The following SSUH2 variants were observed in gnomAD, a reference collection of about 807,000 sequenced individuals.
The protein encoded by SSUH2 is protein SSUH2 homolog.
SSUH2 carries 47 observed loss-of-function variants against 55.3 expected under a neutral mutation model. The observed-to-expected ratio is 0.85, with a 90% CI of 0.67 to 1.08. SSUH2 has a LOEUF of 1.08. Among genes scored for constraint, SSUH2 ranks in the 50% least tolerant of loss-of-function variants. SSUH2 has a pLI of 0.00. For synonymous variants in SSUH2, 212 were observed against 191.5 expected, an observed-to-expected ratio of 1.11 and a Z score of -0.89; for missense variants, 535 against 490.7, an observed-to-expected ratio of 1.09 and a Z score of -0.85.
At chr3:8,665,845 T>G (rs1388046619) in intron 5 of SSUH2, among the ~76,000 whole-genome samples, 1 of 152,252 alleles carries the variant, frequency 6.6e-6, no homozygotes, top group African/African-American at 2.4e-5. Context: ...TCCTCTTTCC[T>G]GGTCAAAGTG....
rs544444876 is a variant in SSUH2, at chr3:8,679,001, C to T, written c.-901+704G>A. 4.0e-3 allele frequency among the ~76,000 whole-genome samples: 418 copies of T among 104,690 alleles called. 132 individuals carry two copies. The highest frequency in any genetic ancestry group is 6.9e-3 in the Non-Finnish European group (310 of 44,794). 68.7% of individuals were successfully genotyped at this position (104,690 alleles called of 152,430 possible). A position where few individuals can be genotyped will look rare whatever the true frequency, so the allele number is the denominator to read the frequency against. On this transcript the variant is annotated intron_variant, in intron 2 of 18. Transcript: ENST00000317371. Reference sequence around the variant, plus strand: ...AGAGTCACCCCCCGCGAGGTGGGGACTGAGAGCCAGCCCCTCTTCCCCCCC... The same window carrying T: ...AGAGTCACCCCCCGCGAGGTGGGGATTGAGAGCCAGCCCCTCTTCCCCCCC...
chr3:8,633,576 G>C, intron 4 of SSUH2, 90 bp downstream of exon 4: 2 of 1,115,432 alleles, frequency 1.8e-6, no homozygotes, highest in Non-Finnish European at 2.5e-6. Context: ...CTTTCCCCTG[G>C]CCACATCACA....
rs140981580 is a variant in SSUH2 at position 8,630,911 on chromosome 3, G to A, written c.419C>T (p.Pro140Leu). The A allele has an allele frequency of 3.7e-5, 54 of 1,449,644 alleles. No homozygotes were observed. Among genetic ancestry groups the A allele is most frequent in the Admixed American group, 1.9e-4 (7 of 37,262 alleles). 89.8% of individuals were successfully genotyped at this position (1,449,644 alleles called of 1,614,324 possible). The change falls in exon 6 of 12, where the codon CCG becomes CTG. Residue 140 changes from proline (P) to leucine (L), a missense_variant. By Grantham distance (98) the Pro-to-Leu change is moderately conservative (BLOSUM62 -3). Coordinates refer to ENST00000544814, the MANE Select transcript of SSUH2 (RefSeq NM_001256748.3). ...QPFTNHSVDG[P>L]QRGASPRLWD... ...GAGCCTGGGGGAGGCGCCTCTTTGC[G>A]GCCCATCCACAGAGTGGTCTGACAC...
intron 6 of SSUH2, among the ~76,000 whole-genome samples, chr3:8,661,980 C>T (rs1703539521): frequency 6.6e-6 from 1 of 152,190 alleles, no homozygotes; most frequent in African/African-American, 2.4e-5. Context: ...CTCTTGTCTG[C>T]TTCCATGTAA....
intron 5 of SSUH2, among the ~76,000 whole-genome samples, chr3:8,665,333 G>A (rs551478976): frequency 6.6e-6 from 1 of 152,162 alleles, no homozygotes; most frequent in African/African-American, 2.4e-5. Context: ...AGAATGTCCA[G>A]CTAAAGAGGA....
At chr3:8,622,951 C>T (rs1696738186) in intron 11 of SSUH2, among the ~76,000 whole-genome samples, 1 of 152,210 alleles carries the variant, frequency 6.6e-6, no homozygotes, top group Non-Finnish European at 1.5e-5. Flanking sequence ...GTTCCTGTCC[C>T]GGCTGCTGTC....
chr3:8,634,316 G>A, intron 3 of SSUH2: 2 of 1,162,122 alleles, frequency 1.7e-6, no homozygotes, highest in Non-Finnish European at 2.3e-6. Flanking sequence ...ACGACAGACA[G>A]GGACCCTAAC....
intron 7 of SSUH2, among the ~76,000 whole-genome samples, chr3:8,652,640 A>C (rs914943735): frequency 6.6e-6 from 1 of 152,186 alleles, no homozygotes; most frequent in African/African-American, 2.4e-5. Context: ...GCCAGCCTCC[A>C]AACAGCCTTT....
chr3:8,663,384 C>T (rs1408292240), intron 6 of SSUH2, among the ~76,000 whole-genome samples: 2 of 152,364 alleles, frequency 1.3e-5, no homozygotes, highest in East Asian at 3.9e-4. Context: ...GGGCTGAGCC[C>T]AAGGAAGTGC....
chr3:8,621,800 C>G (rs1385975118), intron 11 of SSUH2, among the ~76,000 whole-genome samples: 1 of 152,140 alleles, frequency 6.6e-6, no homozygotes, highest in Non-Finnish European at 1.5e-5. Context: ...CAAATAGGGA[C>G]TAAAGGGCAC....
chr3:8,652,668 A>G (rs746009141), intron 7 of SSUH2, among the ~76,000 whole-genome samples: 29 of 152,134 alleles, frequency 1.9e-4, no homozygotes, highest in Non-Finnish European at 2.6e-4. Context: ...TAGCCCTCAC[A>G]TGTTTTCCCC....
chr3:8,677,571 C>A lies in SSUH2; in HGVS notation c.-900-218G>T, dbSNP rs200712867. 2.5e-4 allele frequency among the ~76,000 whole-genome samples: 38 copies of A among 150,904 alleles called. 3 individuals are homozygous for A. Among genetic ancestry groups the A allele is most frequent in the East Asian group, 1.0e-3 (5 of 4,838 alleles). ...AGCCCTGGGGCTACCCGATCTGACACAGCCTTTTCCATTGTATGCATCAGA... is the reference window on the plus strand; with the variant it reads ...AGCCCTGGGGCTACCCGATCTGACAAAGCCTTTTCCATTGTATGCATCAGA... On this transcript the variant is annotated intron_variant, in intron 2 of 18. Transcript: ENST00000317371.
chr3:8,630,739 T>C, intron 6 of SSUH2, 66 bp downstream of exon 6: 2 of 1,315,150 alleles, frequency 1.5e-6, no homozygotes, highest in Non-Finnish European at 9.8e-7. Flanking sequence ...TGAGGAAACA[T>C]GCAGTGCCTG....
chr3:8,670,256 C>T (rs1704405338), intron 5 of SSUH2, among the ~76,000 whole-genome samples: 2 of 152,092 alleles, frequency 1.3e-5, no homozygotes, highest in South Asian at 4.1e-4. Flanking sequence ...GTGTACCAGC[C>T]TTTCACCTCT....
chr3:8,620,106 T>C, intron 11 of SSUH2, 92 bp from the exon 12 acceptor site: 1 of 1,421,530 alleles, frequency 7.0e-7, no homozygotes, highest in Non-Finnish European at 9.6e-7. Context: ...CTGTGTGTGG[T>C]ATGAAAGGTC....
rs1312452090 is a variant in SSUH2 at position 8,678,261 on chromosome 3, T to A, written c.-900-908A>T. ...TGTATACTTACGGTGATATTTGGAG[T>A]AATATCAACCTCTCGGCCTTTGAAT... On this transcript the variant is annotated intron_variant, in intron 2 of 18. Coordinates refer to the SSUH2 transcript ENST00000317371. Among the ~76,000 whole-genome samples, 6 of 152,126 alleles carry A rather than the reference T, an allele frequency of 3.9e-5. No homozygotes were observed. In the East Asian group the frequency reaches 1.2e-3, roughly 30 times the overall value.
At chr3:8,677,514 CA>C (rs1183157066) in intron 2 of SSUH2, 1 of 150,894 alleles carries the variant, frequency 6.6e-6, no homozygotes, top group African/African-American at 2.4e-5. Flanking sequence ...GCAAGTCTTT[CA>C]TGAGTTAAAG....
At chr3:8,672,447 T>G (rs1704698463) in intron 3 of SSUH2, among the ~76,000 whole-genome samples, 2 of 152,098 alleles carry the variant, frequency 1.3e-5, no homozygotes, top group Admixed American at 1.3e-4. Flanking sequence ...GTTTGTACAC[T>G]TTCTGTGATA....
intron 3 of SSUH2, among the ~76,000 whole-genome samples, chr3:8,674,212 A>C (rs1298157173): frequency 6.6e-6 from 1 of 152,244 alleles, no homozygotes; most frequent in Non-Finnish European, 1.5e-5. Flanking sequence ...CCCCCAAAGA[A>C]GCAAGGGAAG....
Sources: gnomAD v4.1 joint callset for allele counts (sites outside exome capture counted in the v4.1 genomes callset) on GRCh38, gnomAD v4.1.1 for gene constraint, MANE v1.5 for transcripts, NCBI Gene and HGNC (gene_info 2026-07-23, HGNC 2026-07-21) for gene names.